SCN2B: variants seen among roughly 807,000 people sequenced by gnomAD.
SCN2B encodes sodium voltage-gated channel beta subunit 2.
Under a neutral mutation model 18.2 loss-of-function variants are expected in SCN2B, and 14 were observed. That is an observed-to-expected ratio of 0.77 (90% CI 0.51 to 1.21). The LOEUF is 1.21. Ranked by LOEUF, SCN2B falls within the 50% of genes most tolerant of loss-of-function variation. The pLI, the probability that SCN2B is intolerant of heterozygous loss-of-function variation, is 0.00. For synonymous variants in SCN2B, 115 were observed against 115.3 expected (o/e 1.00, Z 0.02); for missense variants, 262 against 286.9 (o/e 0.91, Z 0.63).
chr11:118,171,179 C>G (rs637753), intron 1 of SCN2B, among the ~76,000 whole-genome samples: 117,488 of 152,126 alleles, frequency 0.77, 46,086 homozygotes, highest in African/African-American at 0.93. Context: ...TGGGAGACAG[C>G]TGTCACCATC....
intron 1 of SCN2B, among the ~76,000 whole-genome samples, chr11:118,174,113 T>TTTTG (rs1948451701): frequency 7.4e-6 from 1 of 135,594 alleles, no homozygotes; most frequent in African/African-American, 2.8e-5. Flanking sequence ...TTTTTTTTTT[T>TTTTG]TTTTTTTGTA....
chr11:118,168,364 C>T lies in SCN2B; in HGVS notation c.238-69G>A. On this transcript the variant is annotated intron_variant, in intron 2 of 3. Coordinates refer to ENST00000278947, the MANE Select transcript of SCN2B (RefSeq NM_004588.5). This position sits in a 1 kb window ranked among gnomAD's most constrained non-coding sequence, Gnocchi z 4.7. ...GGAACTACAAGGACAGTGAGGATGC[C>T]CCCTCTTCCCATCCACCCTTTTCCT... 7.0e-7 allele frequency: 1 copy of T among 1,425,498 alleles called. No homozygotes were observed. The highest frequency in any genetic ancestry group is 9.9e-7 in the Non-Finnish European group (1 of 1,009,518). The allele number at this position is 1,425,498 out of a possible 1,614,324, so 88.3% of individuals were successfully genotyped here. A position where few individuals can be genotyped will look rare whatever the true frequency, so the allele number is the denominator to read the frequency against.
At chr11:118,176,281 T>C (rs886766951) in intron 1 of SCN2B, 81 bp downstream of exon 1, 1 of 1,303,878 alleles carries the variant, frequency 7.7e-7, no homozygotes, top group African/African-American at 1.5e-5. Flanking sequence ...AATGTCTTCT[T>C]TCCTATCCCC....
rs1441208504 is a variant in SCN2B, at chr11:118,168,489, C to A, written c.237+96G>T. The A allele has an allele frequency of 1.0e-5, 16 of 1,536,198 alleles. No homozygotes were observed. Among genetic ancestry groups the A allele is most frequent in the Admixed American group, 1.7e-5 (1 of 59,878 alleles). On this transcript the variant is annotated intron_variant, in intron 2 of 3. Transcript: ENST00000278947. This position sits in a 1 kb window ranked among gnomAD's most constrained non-coding sequence, Gnocchi z 4.7. ...GCAGCCCACCCAGGGTCCTCTGGGG[C>A]CCTAGCGCAGTGCCGGGGCCGGTGG...
Position 118,166,334 on chromosome 11 carries a change from C to T in SCN2B, c.*553G>A, listed in dbSNP as rs528016753. ...GCAGCCCTGGCTTTCCGTCAGTGCC[C>T]TGGAATGCACAGTCATCCCTTTAAC... On this transcript the variant is annotated 3_prime_UTR_variant, in exon 4 of 4. Transcript: ENST00000278947. 1.8e-3 allele frequency: 305 copies of T among 172,836 alleles called. No individual in the cohort carries two copies. The highest frequency in any genetic ancestry group is 7.0e-3 in the African/African-American group (292 of 41,902). The allele number at this position is 172,836 out of a possible 1,614,324, so 10.7% of individuals were successfully genotyped here.
chr11:118,176,126 G>A (rs919720758), intron 1 of SCN2B, among the ~76,000 whole-genome samples: 1 of 152,090 alleles, frequency 6.6e-6, no homozygotes, highest in Admixed American at 6.6e-5. Flanking sequence ...CACCTCCCTT[G>A]ACAATTGTCA....
At chr11:118,170,862 C>A (rs1948425719) in intron 1 of SCN2B, among the ~76,000 whole-genome samples, 2 of 152,354 alleles carry the variant, frequency 1.3e-5, no homozygotes, top group African/African-American at 4.8e-5. Flanking sequence ...TCTAGGGGAG[C>A]CTCTGGCCTG....
chr11:118,174,106 T>TTTTTTG lies in SCN2B; in HGVS notation c.70+2255_70+2256insCAAAAA, dbSNP rs1565464896. Among the ~76,000 whole-genome samples the TTTTTTG allele has an allele frequency of 1.1e-3, 142 of 128,942 alleles. 5 individuals carry two copies. The highest frequency in any genetic ancestry group is 4.5e-3 in the African/African-American group (141 of 31,288). The allele number at this position is 128,942 out of a possible 152,430, so 84.6% of individuals were successfully genotyped here. A position where few individuals can be genotyped will look rare whatever the true frequency, so the allele number is the denominator to read the frequency against. On this transcript the variant is annotated intron_variant, in intron 1 of 3. Transcript: ENST00000278947. ...TTTTTCTTTTCTTTTTTTTTTTTTTTTTTTTTTTTTTTTTGTAGAGACAGG... is the reference window on the plus strand; with the variant it reads ...TTTTTCTTTTCTTTTTTTTTTTTTTTTTTTTGTTTTTTTTTTTTTTGTAGAGACAGG...
chr11:118,175,991 G>A (rs1352944288), intron 1 of SCN2B, among the ~76,000 whole-genome samples: 2 of 152,142 alleles, frequency 1.3e-5, no homozygotes, highest in Non-Finnish European at 2.9e-5. Flanking sequence ...CCTTAAGGGA[G>A]CATTAAGTCC....
In SCN2B at chr11:118,166,597, G is replaced by T. The variant is rs886156258; in HGVS notation, c.*290C>A. ...TGCCCACCCACTCCCTTCTCTCTGG[G>T]GACCCTCACATGTGCCTCCTGCCTC... On this transcript the variant is annotated 3_prime_UTR_variant, in exon 4 of 4. Coordinates refer to ENST00000278947, the MANE Select transcript of SCN2B (RefSeq NM_004588.5). 1.2e-5 allele frequency: 6 copies of T among 491,582 alleles called. No individual in the cohort carries two copies. The highest frequency in any genetic ancestry group is 1.2e-4 in the African/African-American group (6 of 51,414). 30.5% of individuals were successfully genotyped at this position (491,582 alleles called of 1,614,324 possible). A position where few individuals can be genotyped will look rare whatever the true frequency, so the allele number is the denominator to read the frequency against.
In SCN2B at chr11:118,168,177, G is replaced by C; in HGVS notation, c.356C>G (p.Pro119Arg). 1.2e-6 allele frequency: 2 copies of C among 1,614,154 alleles called. No individual in the cohort carries two copies. The highest frequency in any genetic ancestry group is 1.7e-6 in the Non-Finnish European group (2 of 1,180,016). The change falls in exon 3 of 4, where the codon CCG (proline) becomes CGG (arginine). Residue 119 changes from proline (P) to arginine (R), a missense_variant. Transcript: ENST00000278947. The surrounding 1 kb of genome is among the most constrained non-coding windows in gnomAD (Gnocchi z 4.7). ...DVSVMLRNVQ[P>R]EDEGIYNCYI... ...GCAGTTGTAAATCCCCTCATCCTCC[G>C]GCTGCACGTTTCTCAGCATCACCGA...
rs1187711592 is a variant in SCN2B at position 118,166,986 on chromosome 11, C to T, written c.549G>A (p.Val183=). Residue 183 remains valine, a synonymous_variant, in exon 4 of 4, where the codon GTG becomes GTA. Transcript: ENST00000278947. ...VILVLMVVKC[V]RRKKEQKLST... ...TCAGCTTCTGCTCTTTTTTTCTCCTCACACACTTGACCACCATCAGCACCA... is the reference window on the plus strand; with the variant it reads ...TCAGCTTCTGCTCTTTTTTTCTCCTTACACACTTGACCACCATCAGCACCA... The T allele has an allele frequency of 6.2e-7, 1 of 1,614,088 alleles. No homozygotes were observed. The highest frequency in any genetic ancestry group is 1.1e-5 in the South Asian group (1 of 91,078).
At chr11:118,170,725 ACGCAGTTGGTGACAC>A (rs1032510256) in intron 1 of SCN2B, among the ~76,000 whole-genome samples, 2 of 152,096 alleles carry the variant, frequency 1.3e-5, no homozygotes, top group Non-Finnish European at 2.9e-5. Context: ...CCTTTGTAAA[ACGCAGTTGGTGACAC>A]CGATCTCCCA....
At position 118,166,839 on chromosome 11, in the gene SCN2B, G is replaced by A. The variant is rs374338920; in HGVS notation, c.*48C>T. ...AGCAGGCAGGGTCACTGTACAGGGC[G>A]GAGAGGGGAGGAGACGGGACACGGG... is the stretch of plus-strand genomic sequence containing the variant. On this transcript the variant is annotated 3_prime_UTR_variant, in exon 4 of 4. Transcript: ENST00000278947. 8.3e-5 allele frequency: 134 copies of A among 1,606,712 alleles called. No homozygotes were observed. The highest frequency in any genetic ancestry group is 1.6e-4 in the Middle Eastern group (1 of 6,068).
chr11:118,167,039 C>T lies in SCN2B; in HGVS notation c.496G>A (p.Val166Ile), dbSNP rs140314864. 2.5e-5 allele frequency: 40 copies of T among 1,613,656 alleles called. No homozygotes were observed. The East Asian group carries it at 5.1e-4, about 21-fold the overall frequency. ...ATGACCACAGCCAGGAAGCCCCCGA[C>T]GGAGGCACCCACAATCACGGCCACC... is the stretch of plus-strand genomic sequence containing the variant. The part of the protein sequence containing the change: ...STVAVIVGAS[V>I]GGFLAVVILV... The change falls in exon 4 of 4, where the codon GTC becomes ATC. Residue 166 changes from valine (V) to isoleucine (I), a missense_variant. Physicochemically the swap from Val to Ile is conservative, Grantham distance 29. Coordinates refer to ENST00000278947, the MANE Select transcript of SCN2B (RefSeq NM_004588.5).
At chr11:118,169,451 G>C (rs941065361) in intron 1 of SCN2B, among the ~76,000 whole-genome samples, 3 of 152,160 alleles carry the variant, frequency 2.0e-5, no homozygotes, top group African/African-American at 7.2e-5. Flanking sequence ...CTGTTCTCAG[G>C]ACAGCAGACT....
At chr11:118,172,581 T>C (rs984425927) in intron 1 of SCN2B, among the ~76,000 whole-genome samples, 1 of 152,244 alleles carries the variant, frequency 6.6e-6, no homozygotes, top group Non-Finnish European at 1.5e-5. Flanking sequence ...ATCTTCCTGG[T>C]TGTCCCATTT....
chr11:118,173,384 A>T (rs142516195), intron 1 of SCN2B, among the ~76,000 whole-genome samples: 2 of 152,332 alleles, frequency 1.3e-5, no homozygotes, highest in African/African-American at 4.8e-5. Flanking sequence ...TTCAGGTCCC[A>T]GCTTACAGGG....
chr11:118,165,275 C>T lies in SCN2B; in HGVS notation c.*1612G>A, dbSNP rs1180131575. ...GAGCCAGAGAAGAGGGCAGGACCCT[C>T]AGTTTCTGTCAGTTGGAACCTCAGT... On this transcript the variant is annotated 3_prime_UTR_variant, in exon 4 of 4. Transcript: ENST00000278947. The T allele has an allele frequency of 6.6e-6, 1 of 152,600 alleles. No individual in the cohort carries two copies. Among genetic ancestry groups the T allele is most frequent in the Non-Finnish European group, 1.5e-5 (1 of 68,040 alleles). The allele number at this position is 152,600 out of a possible 1,614,324, so 9.5% of individuals were successfully genotyped here. A position where few individuals can be genotyped will look rare whatever the true frequency, so the allele number is the denominator to read the frequency against.
Sources: gnomAD v4.1 joint callset for allele counts (sites outside exome capture counted in the v4.1 genomes callset) on GRCh38, gnomAD v4.1.1 for gene constraint, Gnocchi (gnomAD v3.1) non-coding constraint, MANE v1.5 for transcripts, NCBI Gene and HGNC (gene_info 2026-07-23, HGNC 2026-07-21) for gene names.